HLA-DPA1: variants seen among roughly 807,000 people sequenced by gnomAD.
HLA-DPA1 encodes the protein major histocompatibility complex, class II, DP alpha 1, also known as HLA class II histocompatibility antigen, DP alpha 1 chain.
A neutral mutation model predicts 21.5 loss-of-function variants in HLA-DPA1; 20 were observed. The observed-to-expected ratio is 0.93, with a 90% CI of 0.66 to 1.35. The LOEUF (loss-of-function observed/expected upper bound fraction) is 1.35, where lower values mean the gene tolerates loss of function less well. Among genes scored for constraint, HLA-DPA1 ranks in the 40% most tolerant of loss-of-function variants. The pLI is 0.00. For missense variants in HLA-DPA1, 279 were observed against 323.0 expected, an observed-to-expected ratio of 0.86 and a Z score of 1.05; for synonymous variants, 123 against 129.6, an observed-to-expected ratio of 0.95 and a Z score of 0.35.
In HLA-DPA1 at chr6:33,071,814, G is replaced by GGT. The variant is rs1450667136; in HGVS notation, c.100+1656_100+1657insAC. Among the ~76,000 whole-genome samples the GGT allele has an allele frequency of 3.5e-3, 540 of 152,218 alleles. 3 individuals are homozygous for GGT. The highest frequency in any genetic ancestry group is 0.025 in the East Asian group (131 of 5,170). On this transcript the variant is annotated intron_variant, in intron 2 of 5. Coordinates refer to ENST00000419277, the Ensembl canonical transcript of HLA-DPA1. ...ACAGGGCAAAAGCCACTTCTCTCAGGGAAGACAGCCTGACCGGGAGAAGAT... is the reference window on the plus strand; with the variant it reads ...ACAGGGCAAAAGCCACTTCTCTCAGGGTGAAGACAGCCTGACCGGGAGAAGAT...
At chr6:33,073,606 G>C (rs773460967) in exon 2 of HLA-DPA1, 1 of 1,490,256 alleles carries the variant, frequency 6.7e-7, no homozygotes, top group Non-Finnish European at 9.4e-7. Context: ...GTGAGCACAG[G>C]AACAGTGATG....
At chr6:33,069,571 G>A in intron 3 of HLA-DPA1, 70 bp downstream of exon 2, 2 of 1,575,872 alleles carry the variant, frequency 1.3e-6, no homozygotes, top group South Asian at 2.3e-5. Flanking sequence ...TTCCTAGTCT[G>A]AGGGTGGCAG....
Position 33,071,077 on chromosome 6 carries a change from C to A in HLA-DPA1, c.101-1191G>T, listed in dbSNP as rs550565426. On this transcript the variant is annotated intron_variant, in intron 2 of 5. Transcript: ENST00000419277. ...ACGGGACTCTTCTGCTCTCACCTCC[C>A]AACTCACAGATTTCCCTGTGAGTTT... Among the ~76,000 whole-genome samples, 516 of 150,708 alleles carry A rather than the reference C, an allele frequency of 3.4e-3. 2 individuals are homozygous for A. Among genetic ancestry groups the A allele is most frequent in the African/African-American group, 0.011 (437 of 40,650 alleles).
rs765041401 is a variant in HLA-DPA1, at chr6:33,069,634, G to C, written c.346+7C>G. ...GCTACAGAGGAAGAGGCAAAGATAG[G>C]GCGTACCGTTGGTGGCCTGAGTGTG... On this transcript the variant is annotated splice_region_variant and intron_variant, in intron 3 of 5. Transcript: ENST00000419277. 1.2e-6 allele frequency: 2 copies of C among 1,611,718 alleles called. No individual in the cohort carries two copies. Among genetic ancestry groups the C allele is most frequent in the Non-Finnish European group, 1.7e-6 (2 of 1,179,170 alleles).
chr6:33,069,195 G>A (rs1406614415), exon 4 of HLA-DPA1: 4 of 1,612,854 alleles, frequency 2.5e-6, no homozygotes, highest in Non-Finnish European at 1.7e-6. Context: ...GCACAGCCAC[G>A]TGACGTTGAG....
At chr6:33,077,781 G>A (rs3135021) in intron 1 of HLA-DPA1, among the ~76,000 whole-genome samples, 48,158 of 151,916 alleles carry the variant, frequency 0.32, 7,983 homozygotes, top group Admixed American at 0.41. Flanking sequence ...GACACACCTA[G>A]AAGGTACTGA....
chr6:33,076,154 C>T, intron 1 of HLA-DPA1: 2 of 1,562,110 alleles, frequency 1.3e-6, no homozygotes, highest in South Asian at 1.1e-5. Flanking sequence ...AAGAGCCGAA[C>T]TGCCATTCTT....
At position 33,069,000 on chromosome 6, in the gene HLA-DPA1, G is replaced by A; in HGVS notation, c.628+19C>T. 4.3e-6 allele frequency: 7 copies of A among 1,610,582 alleles called. No individual in the cohort carries two copies. The highest frequency in any genetic ancestry group is 5.9e-6 in the Non-Finnish European group (7 of 1,178,122). On this transcript the variant is annotated intron_variant, in intron 4 of 5. Transcript: ENST00000419277. ...ATAGAGGATGCCAGGAGATTATGGA[G>A]AGAAAAGCAGTTGCATACCCCAGTG...
intron 2 of HLA-DPA1, among the ~76,000 whole-genome samples, chr6:33,072,271 G>T (rs886775583): frequency 1.3e-5 from 2 of 152,228 alleles, no homozygotes; most frequent in Non-Finnish European, 2.9e-5. Flanking sequence ...CCAGAGACAA[G>T]TCAGAAGCTT....
chr6:33,075,454 C>T lies in HLA-DPA1; in HGVS notation c.-99-1785G>A, dbSNP rs140334538. 3.5e-3 allele frequency among the ~76,000 whole-genome samples: 537 copies of T among 152,292 alleles called. 3 individuals are homozygous for T. Among genetic ancestry groups the T allele is most frequent in the East Asian group, 0.025 (131 of 5,178 alleles). ...TAACTCCTGCACATCGCAGGACTCA[C>T]AGACCTCTGGGAGAAAGTAAATATG... On this transcript the variant is annotated intron_variant, in intron 1 of 5. Transcript: ENST00000419277.
At chr6:33,069,980 A>G (rs1762198963) in intron 2 of HLA-DPA1, 94 bp from the exon 2 acceptor site, 1 of 1,207,570 alleles carries the variant, frequency 8.3e-7, no homozygotes, top group South Asian at 1.5e-5. Flanking sequence ...TATGAATATA[A>G]AAAGGAAGAA....
At chr6:33,077,850 C>A (rs1762624804) in intron 1 of HLA-DPA1, among the ~76,000 whole-genome samples, 1 of 152,078 alleles carries the variant, frequency 6.6e-6, no homozygotes, top group East Asian at 1.9e-4. Context: ...GAATACAGCC[C>A]CTCAAGCCCT....
At chr6:33,073,410 C>CA in intron 2 of HLA-DPA1, 61 bp downstream of exon 1, 1 of 1,020,312 alleles carries the variant, frequency 9.8e-7, no homozygotes, top group Non-Finnish European at 1.5e-6. Flanking sequence ...CCTGAAGCAG[C>CA]AATTGATGTG....
chr6:33,077,711 A>G (rs1404836407), intron 1 of HLA-DPA1, among the ~76,000 whole-genome samples: 1 of 152,144 alleles, frequency 6.6e-6, no homozygotes, highest in Non-Finnish European at 1.5e-5. Flanking sequence ...TTAGTTTTCC[A>G]CTGACTTCCA....
In HLA-DPA1 at chr6:33,068,811, G is replaced by C; in HGVS notation, c.629-7C>G. On this transcript the variant is annotated splice_region_variant and splice_polypyrimidine_tract_variant and intron_variant, in intron 4 of 5. Transcript: ENST00000419277. Reference sequence around the variant, plus strand: ...TGGATTGGCTCTTGGGCCTCTGGGGGAAGAATGAAGAGATAGGGTCAGGAG... The same window carrying C: ...TGGATTGGCTCTTGGGCCTCTGGGGCAAGAATGAAGAGATAGGGTCAGGAG... The C allele has an allele frequency of 6.2e-7, 1 of 1,612,510 alleles. No individual in the cohort carries two copies. The highest frequency in any genetic ancestry group is 8.5e-7 in the Non-Finnish European group (1 of 1,179,638).
rs1216802019 is a variant in HLA-DPA1, at chr6:33,073,485, G to GCTCCTCGGAGA, written c.75_85dup (p.Ala29ValfsTer73). ...TGAGCACTCACCCTTGATGGCCCCA[G>GCTCCTCGGAGA]CTCCTCGGAGACTCAGCAGGAAAGC... On this transcript the variant is annotated frameshift_variant, in exon 2 of 6. Transcript: ENST00000419277. LOFTEE classifies it high-confidence loss of function. The GCTCCTCGGAGA allele has an allele frequency of 1.4e-5, 22 of 1,611,338 alleles. No individual in the cohort carries two copies. The highest frequency in any genetic ancestry group is 1.9e-5 in the Non-Finnish European group (22 of 1,178,574).
chr6:33,080,646 C>T lies in HLA-DPA1; in HGVS notation c.-100+34G>A, dbSNP rs1177642642. The stretch of plus-strand genomic sequence containing the variant: ...GAGGATTAGATGAGAGTGGCGCCTC[C>T]GCTCATGTCCGCCCCCTCCCCGCAG... On this transcript the variant is annotated intron_variant, in intron 1 of 5. Transcript: ENST00000419277. This position sits in a 1 kb window ranked among gnomAD's most constrained non-coding sequence, Gnocchi z 4.3. The T allele has an allele frequency of 6.2e-7, 1 of 1,611,950 alleles. No individual in the cohort carries two copies. Among genetic ancestry groups the T allele is most frequent in the Non-Finnish European group, 8.5e-7 (1 of 1,179,082 alleles).
At chr6:33,067,932 G>A (rs181335704) in intron 5 of HLA-DPA1, 1 of 152,234 alleles carries the variant, frequency 6.6e-6, no homozygotes, top group East Asian at 1.9e-4. Flanking sequence ...TTGTACCTGA[G>A]GTCCAGCATG....
At chr6:33,071,875 C>T (rs35979982) in intron 2 of HLA-DPA1, among the ~76,000 whole-genome samples, 29,629 of 151,668 alleles carry the variant, frequency 0.2, 3,610 homozygotes, top group African/African-American at 0.33. Flanking sequence ...ACTTAGAAGA[C>T]CTGAAAGTCA....
Sources: allele counts gnomAD v4.1 joint callset (sites outside exome capture counted in the v4.1 genomes callset), GRCh38; gene constraint gnomAD v4.1.1; non-coding constraint Gnocchi (gnomAD v3.1); transcripts MANE v1.5; gene names NCBI Gene and HGNC (gene_info 2026-07-23, HGNC 2026-07-21).